The following DLC1 variants were observed in gnomAD, a reference collection of about 807,000 sequenced individuals.
DLC1 encodes rho GTPase-activating protein 7.
Under a neutral mutation model 140.3 loss-of-function variants are expected in DLC1, and 54 were observed. The observed-to-expected ratio is 0.38, with a 90% CI of 0.31 to 0.48. The LOEUF is 0.48. Among genes scored for constraint, DLC1 ranks in the 20% least tolerant of loss-of-function variants. DLC1 has a pLI of 0.96. For synonymous variants in DLC1, 986 were observed against 728.1 expected, an observed-to-expected ratio of 1.35 and a Z score of -5.70; for missense variants, 2,536 against 1,907.0, an observed-to-expected ratio of 1.33 and a Z score of -6.14.
At chr8:13,474,502 G>A (rs1052889391) in intron 2 of DLC1, among the ~76,000 whole-genome samples, 1 of 152,148 alleles carries the variant, frequency 6.6e-6, no homozygotes, top group African/African-American at 2.4e-5. Context: ...TGAGAAAAGG[G>A]CCACTGTCCT....
chr8:13,204,010 G>C (rs978068881), intron 5 of DLC1, among the ~76,000 whole-genome samples: 17 of 152,140 alleles, frequency 1.1e-4, no homozygotes, highest in Admixed American at 1.1e-3. Context: ...GATGTGTTTT[G>C]TGTCAACAGA....
At chr8:13,138,608 A>G (rs568653864) in intron 5 of DLC1, among the ~76,000 whole-genome samples, 1 of 152,396 alleles carries the variant, frequency 6.6e-6, no homozygotes, top group Admixed American at 6.5e-5. Flanking sequence ...CAAAGGACAT[A>G]CGACAAAGAA....
intron 2 of DLC1, among the ~76,000 whole-genome samples, chr8:13,401,847 G>C (rs747457666): frequency 6.6e-6 from 1 of 152,066 alleles, no homozygotes; most frequent in Non-Finnish European, 1.5e-5. Flanking sequence ...GTAAAGCAAA[G>C]TGCAATGAAA....
chr8:13,450,326 G>A (rs1174255486), intron 2 of DLC1, among the ~76,000 whole-genome samples: 1 of 151,360 alleles, frequency 6.6e-6, no homozygotes, highest in African/African-American at 2.4e-5. Flanking sequence ...ATGGTGGCGG[G>A]TGACTGTAAT....
At chr8:13,335,821 T>C (rs964513700) in intron 4 of DLC1, among the ~76,000 whole-genome samples, 1 of 152,102 alleles carries the variant, frequency 6.6e-6, no homozygotes, top group African/African-American at 2.4e-5. Context: ...TGCTTGACAA[T>C]TTAAAAAGCA....
chr8:13,294,501 G>T (rs75071886), intron 5 of DLC1, among the ~76,000 whole-genome samples: 8,158 of 152,192 alleles, frequency 0.054, 275 homozygotes, highest in South Asian at 0.13. Flanking sequence ...TCACCGGGAA[G>T]CCAGGACACA....
intron 1 of DLC1, among the ~76,000 whole-genome samples, chr8:13,591,738 C>T (rs1014001929): frequency 6.6e-6 from 1 of 151,710 alleles, no homozygotes; most frequent in Non-Finnish European, 1.5e-5. Context: ...AGAGGTAGAA[C>T]TGACAGAATT....
intron 4 of DLC1, among the ~76,000 whole-genome samples, chr8:13,330,995 C>G (rs1245274486): frequency 3.9e-5 from 6 of 152,042 alleles, no homozygotes; most frequent in East Asian, 3.9e-4. Flanking sequence ...AAGAATAAAT[C>G]CAGAAAGCTC....
chr8:13,588,952 C>G (rs1805424444), intron 1 of DLC1, among the ~76,000 whole-genome samples: 2 of 152,050 alleles, frequency 1.3e-5, no homozygotes, highest in South Asian at 2.1e-4. Flanking sequence ...AAATGGGTGA[C>G]AGATGGAGTC....
At chr8:13,325,930 A>G (rs1326479787) in intron 4 of DLC1, among the ~76,000 whole-genome samples, 2 of 152,238 alleles carry the variant, frequency 1.3e-5, no homozygotes, top group Non-Finnish European at 2.9e-5. Context: ...TATGATTATA[A>G]TGGAGCATAT....
intron 1 of DLC1, among the ~76,000 whole-genome samples, chr8:13,513,342 T>C (rs1427623143): frequency 6.6e-6 from 1 of 152,168 alleles, no homozygotes. Context: ...GTAGATTCTT[T>C]TTCTCATATT....
At chr8:13,528,368 T>C (rs1006645198) in intron 1 of DLC1, among the ~76,000 whole-genome samples, 1 of 152,192 alleles carries the variant, frequency 6.6e-6, no homozygotes, top group African/African-American at 2.4e-5. Context: ...TAACATTTTG[T>C]AAATTTACAT....
chr8:13,354,660 T>C (rs1586193630), intron 4 of DLC1, among the ~76,000 whole-genome samples: 1 of 151,970 alleles, frequency 6.6e-6, no homozygotes, highest in East Asian at 1.9e-4. Flanking sequence ...AAATTTTAAA[T>C]CGGGTCAGGT....
At chr8:13,539,266 C>G (rs1231225008) in intron 1 of DLC1, among the ~76,000 whole-genome samples, 1 of 152,086 alleles carries the variant, frequency 6.6e-6, no homozygotes, top group Non-Finnish European at 1.5e-5. Context: ...GTGGCGCAAT[C>G]TCAGCTCACT....
At chr8:13,465,467 T>C (rs1022461232) in intron 2 of DLC1, among the ~76,000 whole-genome samples, 1 of 152,212 alleles carries the variant, frequency 6.6e-6, no homozygotes, top group Admixed American at 6.5e-5. Context: ...TCACTATGAC[T>C]TTAATTTGCA....
intron 1 of DLC1, among the ~76,000 whole-genome samples, chr8:13,586,050 A>G (rs1424601584): frequency 6.6e-6 from 1 of 152,176 alleles, no homozygotes; most frequent in Non-Finnish European, 1.5e-5. Context: ...CCATGGCTGC[A>G]CATTATAATT....
intron 5 of DLC1, among the ~76,000 whole-genome samples, chr8:13,221,541 T>C (rs1242510286): frequency 6.6e-6 from 1 of 150,884 alleles, no homozygotes; most frequent in African/African-American, 2.4e-5. Flanking sequence ...CAGCTAACTT[T>C]TGTATTTTTA....
At chr8:13,487,761 C>CA (rs1801038765) in intron 2 of DLC1, among the ~76,000 whole-genome samples, 1 of 151,982 alleles carries the variant, frequency 6.6e-6, no homozygotes, top group Non-Finnish European at 1.5e-5. Context: ...TTAGTAGAGA[C>CA]AGAGTTTCAC....
chr8:13,321,550 A>G (rs1169960572), intron 4 of DLC1, among the ~76,000 whole-genome samples: 1 of 149,914 alleles, frequency 6.7e-6, no homozygotes. Flanking sequence ...AAAGAAAAAA[A>G]AAAAAAAAAA....
Sources: allele counts gnomAD v4.1 joint callset (sites outside exome capture counted in the v4.1 genomes callset), GRCh38; gene constraint gnomAD v4.1.1; transcripts MANE v1.5; gene names NCBI Gene and HGNC (gene_info 2026-07-23, HGNC 2026-07-21).